KCNH7: variants seen among roughly 807,000 people sequenced by gnomAD.
KCNH7 encodes voltage-gated inwardly rectifying potassium channel KCNH7.
A neutral mutation model predicts 120.8 loss-of-function variants in KCNH7; 49 were observed. The ratio of observed to expected loss-of-function variants is 0.41; its 90% confidence interval spans 0.32 to 0.51. The LOEUF is 0.51. Among genes scored for constraint, KCNH7 ranks in the 20% least tolerant of loss-of-function variants. The pLI is 0.38. For synonymous variants in KCNH7, 547 were observed against 516.1 expected, an observed-to-expected ratio of 1.06 and a Z score of -0.81; for missense variants, 1,097 against 1,446.6, an observed-to-expected ratio of 0.76 and a Z score of 3.92.
At chr2:162,494,818 G>T (rs1290421594) in intron 6 of KCNH7, among the ~76,000 whole-genome samples, 2 of 152,074 alleles carry the variant, frequency 1.3e-5, no homozygotes, top group African/African-American at 2.4e-5. Flanking sequence ...GGAAGCATAT[G>T]GGACTCATAA....
chr2:162,837,783 A>T (rs1237725863), intron 1 of KCNH7, among the ~76,000 whole-genome samples: 1 of 152,194 alleles, frequency 6.6e-6, no homozygotes, highest in Non-Finnish European at 1.5e-5. Context: ...ATTACACTTC[A>T]ATTTTTAAAT....
At chr2:162,742,541 C>CT (rs1348003700) in intron 2 of KCNH7, among the ~76,000 whole-genome samples, 1 of 151,990 alleles carries the variant, frequency 6.6e-6, no homozygotes, top group Non-Finnish European at 1.5e-5. Flanking sequence ...TTTATATTTT[C>CT]TTTTTTCTCT....
chr2:162,574,636 C>T (rs1693607986), intron 2 of KCNH7, among the ~76,000 whole-genome samples: 1 of 152,042 alleles, frequency 6.6e-6, no homozygotes, highest in Admixed American at 6.6e-5. Flanking sequence ...GAAGAACAAT[C>T]CATGGGTTCT....
chr2:162,443,368 C>A (rs1366944749), intron 7 of KCNH7, among the ~76,000 whole-genome samples: 4 of 152,170 alleles, frequency 2.6e-5, no homozygotes, highest in African/African-American at 9.7e-5. Context: ...AATTTCTTCC[C>A]CACAACACAC....
intron 2 of KCNH7, among the ~76,000 whole-genome samples, chr2:162,805,474 A>G (rs1208473336): frequency 6.6e-6 from 1 of 152,150 alleles, no homozygotes; most frequent in Non-Finnish European, 1.5e-5. Flanking sequence ...CAACAAACAT[A>G]TGAAAAAATG....
At chr2:162,403,944 T>A (rs1687134931) in intron 9 of KCNH7, among the ~76,000 whole-genome samples, 1 of 151,964 alleles carries the variant, frequency 6.6e-6, no homozygotes, top group Non-Finnish European at 1.5e-5. Flanking sequence ...AGAGGTAGGC[T>A]TAAGAAGATA....
chr2:162,719,985 G>C (rs1269751508), intron 2 of KCNH7, among the ~76,000 whole-genome samples: 1 of 151,990 alleles, frequency 6.6e-6, no homozygotes, highest in East Asian at 1.9e-4. Flanking sequence ...ATCTCAATCT[G>C]AGTTTCTGTT....
At chr2:162,523,698 G>A (rs1691606745) in intron 3 of KCNH7, among the ~76,000 whole-genome samples, 1 of 151,716 alleles carries the variant, frequency 6.6e-6, no homozygotes, top group Non-Finnish European at 1.5e-5. Flanking sequence ...TCATTTTCTT[G>A]TGGAAAAACA....
intron 2 of KCNH7, among the ~76,000 whole-genome samples, chr2:162,649,926 A>T (rs904110038): frequency 6.6e-6 from 1 of 152,224 alleles, no homozygotes; most frequent in African/African-American, 2.4e-5. Context: ...AAGACAGTTA[A>T]TATATTCCTA....
intron 2 of KCNH7, among the ~76,000 whole-genome samples, chr2:162,826,145 G>T (rs970244582): frequency 6.6e-6 from 1 of 152,036 alleles, no homozygotes; most frequent in Non-Finnish European, 1.5e-5. Context: ...TTGGAAAAAA[G>T]AATTAAATGT....
At chr2:162,625,720 G>A (rs1683530118) in intron 2 of KCNH7, among the ~76,000 whole-genome samples, 3 of 152,144 alleles carry the variant, frequency 2.0e-5, no homozygotes, top group Admixed American at 2.0e-4. Context: ...GGTAGAAAGA[G>A]CCGCAGCGTT....
intron 2 of KCNH7, among the ~76,000 whole-genome samples, chr2:162,821,943 A>C (rs10930071): frequency 0.47 from 70,258 of 149,754 alleles, 18,513 homozygotes; most frequent in South Asian, 0.66. Context: ...GTTTTAATAT[A>C]GCTGAAAGAC....
rs138409345 is a variant in KCNH7 at position 162,804,967 on chromosome 2, A to G, written c.307+31570T>C. ...AATTCTTATAACCAACTTATCTTCG[A>G]CAAACATAAGTTGGGGAAAGGACAT... On this transcript the variant is annotated intron_variant, in intron 2 of 15. Transcript: ENST00000332142. Among the ~76,000 whole-genome samples the G allele has an allele frequency of 7.2e-3, 1,096 of 152,100 alleles. 2 individuals are homozygous for G. The highest frequency in any genetic ancestry group is 0.011 in the Non-Finnish European group (774 of 67,906).
intron 2 of KCNH7, among the ~76,000 whole-genome samples, chr2:162,791,885 T>C (rs1683959553): frequency 6.6e-6 from 1 of 152,102 alleles, no homozygotes; most frequent in South Asian, 2.1e-4. Context: ...ACTTCCAGTT[T>C]TTGCCCATTC....
chr2:162,513,454 T>C (rs62188233), intron 4 of KCNH7, among the ~76,000 whole-genome samples: 170 of 69,592 alleles, frequency 2.4e-3, no homozygotes, highest in Middle Eastern at 0.012. Flanking sequence ...TCCTTCCTTC[T>C]CTCCTTCCCT....
intron 3 of KCNH7, among the ~76,000 whole-genome samples, chr2:162,533,094 G>A (rs1691985308): frequency 6.6e-6 from 1 of 151,596 alleles, no homozygotes; most frequent in African/African-American, 2.4e-5. Context: ...CACTGACTGA[G>A]GAAAAGAGGA....
chr2:162,471,508 T>C (rs1689527727), intron 6 of KCNH7, among the ~76,000 whole-genome samples: 1 of 152,138 alleles, frequency 6.6e-6, no homozygotes. Context: ...GAGCAGATTC[T>C]GTGGAGTTTT....
intron 2 of KCNH7, among the ~76,000 whole-genome samples, chr2:162,653,380 G>T (rs1460855007): frequency 6.6e-6 from 1 of 152,138 alleles, no homozygotes; most frequent in African/African-American, 2.4e-5. Flanking sequence ...ATTCAGTAAA[G>T]TTGTAGTATA....
chr2:162,831,133 A>C (rs1423708569), intron 2 of KCNH7, among the ~76,000 whole-genome samples: 2 of 152,144 alleles, frequency 1.3e-5, no homozygotes. Context: ...GCTATGTGCA[A>C]TTTGGCAAAT....
Sources: allele counts gnomAD v4.1 joint callset (sites outside exome capture counted in the v4.1 genomes callset), GRCh38; gene constraint gnomAD v4.1.1; transcripts MANE v1.5; gene names NCBI Gene and HGNC (gene_info 2026-07-23, HGNC 2026-07-21).